ANO1: variants seen among roughly 807,000 people sequenced by gnomAD.
The protein encoded by ANO1 is anoctamin 1.
Under a neutral mutation model 124.0 loss-of-function variants are expected in ANO1, and 59 were observed. That is an observed-to-expected ratio of 0.48 (90% CI 0.39 to 0.59). The LOEUF is 0.59. Ranked by LOEUF, ANO1 falls within the 20% of genes least tolerant of loss-of-function variation. The pLI is 0.00. For synonymous variants in ANO1, 529 were observed against 532.0 expected (o/e 0.99, Z 0.08); for missense variants, 1,059 against 1,328.0 (o/e 0.80, Z 3.15).
intron 22 of ANO1, among the ~76,000 whole-genome samples, chr11:70,176,434 A>T (rs560276302): frequency 6.6e-6 from 1 of 152,304 alleles, no homozygotes; most frequent in African/African-American, 2.4e-5. Context: ...GGCATGAGCC[A>T]CCACACCCGG....
chr11:70,030,720 C>A (rs1856985153), intron 1 of ANO1, among the ~76,000 whole-genome samples: 1 of 152,124 alleles, frequency 6.6e-6, no homozygotes, highest in Non-Finnish European at 1.5e-5. Flanking sequence ...TTAATGTCAT[C>A]ATATCTATTA....
chr11:69,987,665 T>C (rs1856073621), intron 1 of ANO1, among the ~76,000 whole-genome samples: 1 of 149,726 alleles, frequency 6.7e-6, no homozygotes, highest in South Asian at 2.1e-4. Flanking sequence ...CTGAGTCCAG[T>C]TGCTGTGAGG....
At chr11:70,105,069 C>T (rs1302708648) in intron 4 of ANO1, among the ~76,000 whole-genome samples, 1 of 152,076 alleles carries the variant, frequency 6.6e-6, no homozygotes, top group Non-Finnish European at 1.5e-5. Context: ...CGCCCTCCTT[C>T]CAGGACCCCC....
intron 2 of ANO1, among the ~76,000 whole-genome samples, chr11:70,102,211 C>A (rs898314914): frequency 6.6e-6 from 1 of 152,202 alleles, no homozygotes; most frequent in Admixed American, 6.5e-5. Context: ...AGCACAGCTC[C>A]ACCCTGCTAG....
At chr11:70,170,084 C>T (rs1336845749) in intron 21 of ANO1, 1 of 450,822 alleles carries the variant, frequency 2.2e-6, no homozygotes, top group Non-Finnish European at 4.5e-6. Context: ...AGGCGAGGGA[C>T]TGTCCTGGGC....
rs373574652 is a variant in ANO1, at chr11:70,102,607, G to C, written c.442-459G>C. ...GACCCACAGGGGAAGATGCCCAGAGGGGGGACCATCTTCAGTCGTCCCCTC... is the reference window on the plus strand; with the variant it reads ...GACCCACAGGGGAAGATGCCCAGAGCGGGGACCATCTTCAGTCGTCCCCTC... On this transcript the variant is annotated intron_variant, in intron 2 of 25. Coordinates refer to ENST00000355303, the MANE Select transcript of ANO1 (RefSeq NM_018043.7). Among the ~76,000 whole-genome samples, 22 of 152,344 alleles carry C rather than the reference G, an allele frequency of 1.4e-4. No individual in the cohort carries two copies. The East Asian group carries it at 3.9e-3, about 27-fold the overall frequency.
intron 1 of ANO1, among the ~76,000 whole-genome samples, chr11:70,039,440 AGCAAGG>A (rs1294508529): frequency 1.3e-5 from 2 of 152,340 alleles, no homozygotes; most frequent in East Asian, 3.9e-4. Flanking sequence ...CTATGCTGGC[AGCAAGG>A]GCAGGTTTCT....
intron 19 of ANO1, chr11:70,163,552 T>A: frequency 3.1e-6 from 2 of 642,924 alleles, no homozygotes; most frequent in Non-Finnish European, 5.5e-6. Flanking sequence ...CCTAGAAGGA[T>A]AAAGTCGCTG....
At chr11:69,989,924 TG>T (rs1490813524) in intron 1 of ANO1, among the ~76,000 whole-genome samples, 1 of 152,154 alleles carries the variant, frequency 6.6e-6, no homozygotes, top group Non-Finnish European at 1.5e-5. Context: ...AGGAGAGGTT[TG>T]GGTGGGGATA....
chr11:70,038,459 G>A (rs964260816), intron 1 of ANO1, among the ~76,000 whole-genome samples: 2 of 152,080 alleles, frequency 1.3e-5, no homozygotes, highest in Non-Finnish European at 2.9e-5. Context: ...GTGCTCTCAC[G>A]GCAAGACTGC....
chr11:70,004,528 G>T (rs1465900954), intron 1 of ANO1, among the ~76,000 whole-genome samples: 1 of 152,194 alleles, frequency 6.6e-6, no homozygotes, highest in African/African-American at 2.4e-5. Context: ...CACACAGTGG[G>T]AACACAGGGT....
intron 22 of ANO1, among the ~76,000 whole-genome samples, chr11:70,179,408 C>G (rs759727641): frequency 6.6e-6 from 1 of 152,164 alleles, no homozygotes; most frequent in African/African-American, 2.4e-5. Context: ...ACTGGGAAGA[C>G]GAATGGAGAG....
chr11:70,111,897 T>C, intron 7 of ANO1, 135 bp downstream of exon 7: 1 of 901,168 alleles, frequency 1.1e-6, no homozygotes, highest in Non-Finnish European at 1.8e-6. Context: ...ATGTCAACTG[T>C]ACACAGGCCT....
In ANO1 at chr11:70,010,156, T is replaced by TGCGCGCGCGC. The variant is rs1565159640; in HGVS notation, c.58+23991_58+23992insCGCGCGCGCG. On this transcript the variant is annotated intron_variant, in intron 1 of 27. Transcript: ENST00000531349. ...CATGGTGTGTGTGTGTGTGTGTGTG[T>TGCGCGCGCGC]GTGTGTGTGCGCGTGTGTGTGTGTA... is the stretch of plus-strand genomic sequence containing the variant. Among the ~76,000 whole-genome samples the TGCGCGCGCGC allele has an allele frequency of 1.4e-4, 9 of 64,622 alleles. 1 individual carries two copies. Among genetic ancestry groups the TGCGCGCGCGC allele is most frequent in the African/African-American group, 5.0e-4 (9 of 17,952 alleles). 42.4% of individuals were successfully genotyped at this position (64,622 alleles called of 152,430 possible).
chr11:70,116,113 C>G (rs940865408), intron 7 of ANO1, among the ~76,000 whole-genome samples: 1 of 152,168 alleles, frequency 6.6e-6, no homozygotes, highest in Non-Finnish European at 1.5e-5. Context: ...CCTATTGATA[C>G]GACTCTTCCT....
chr11:70,124,549 G>A lies in ANO1; in HGVS notation c.962+135G>A, dbSNP rs551275392. 12 of 843,566 alleles carry A rather than the reference G, an allele frequency of 1.4e-5. No individual in the cohort carries two copies. The African/African-American group carries it at 2.0e-4, about 14-fold the overall frequency. The allele number at this position is 843,566 out of a possible 1,614,324, so 52.3% of individuals were successfully genotyped here. ...TGAACTCAAAGAGCTTGTGTAGGAA[G>A]ACCCAAAATGTCCCTGCAGGGCTGA... is the stretch of plus-strand genomic sequence containing the variant. On this transcript the variant is annotated intron_variant, in intron 9 of 25. Coordinates refer to ENST00000355303, the MANE Select transcript of ANO1 (RefSeq NM_018043.7).
intron 1 of ANO1, among the ~76,000 whole-genome samples, chr11:70,003,453 G>A (rs1170797162): frequency 6.6e-6 from 1 of 152,192 alleles, no homozygotes; most frequent in African/African-American, 2.4e-5. Context: ...TGTATGCAGG[G>A]CATTCTTGTA....
intron 2 of ANO1, among the ~76,000 whole-genome samples, chr11:70,090,289 G>A (rs1007731877): frequency 2.6e-5 from 4 of 152,202 alleles, no homozygotes; most frequent in African/African-American, 4.8e-5. Context: ...TTACAGGCGT[G>A]AGCCACCGCG....
At chr11:70,186,997 T>C (rs1454075644) in intron 25 of ANO1, among the ~76,000 whole-genome samples, 2 of 152,234 alleles carry the variant, frequency 1.3e-5, no homozygotes, top group African/African-American at 2.4e-5. Context: ...ACCCCAGACC[T>C]GGCCTCACCT....
Sources: allele counts gnomAD v4.1 joint callset (sites outside exome capture counted in the v4.1 genomes callset), GRCh38; gene constraint gnomAD v4.1.1; transcripts MANE v1.5; gene names NCBI Gene and HGNC (gene_info 2026-07-23, HGNC 2026-07-21).